CIPC: variants seen among roughly 807,000 people sequenced by gnomAD.
CIPC encodes CLOCK interacting pacemaker.
In CIPC, 12 loss-of-function variants were observed where a neutral mutation model predicts 26.7. That is an observed-to-expected ratio of 0.45 (90% CI 0.29 to 0.73). CIPC has a LOEUF of 0.73. Ranked by LOEUF, CIPC falls within the 30% of genes least tolerant of loss-of-function variation. The pLI, the probability that CIPC is intolerant of heterozygous loss-of-function variation, is 0.12. For synonymous variants in CIPC, 170 were observed against 189.8 expected (o/e 0.90, Z 0.86); for missense variants, 417 against 486.5 (o/e 0.86, Z 1.34).
chr14:77,098,757 AGGGTCCTGGGCTTCCGGTTTGAGGTCGG>A (rs1480179466), intron 1 of CIPC: 2 of 152,638 alleles, frequency 1.3e-5, no homozygotes, highest in African/African-American at 4.8e-5. Flanking sequence ...TAACTGGGCG[AGGGTCCTGGGCTTCCGGTTTGAGGTCGG>A]GGGTGGTACC....
At chr14:77,110,310 T>TAAC (rs1272080380) in intron 3 of CIPC, among the ~76,000 whole-genome samples, 3 of 152,302 alleles carry the variant, frequency 2.0e-5, no homozygotes, top group Non-Finnish European at 4.4e-5. Flanking sequence ...TGGTGCATTC[T>TAAC]AACATATGGC....
intron 3 of CIPC, 142 bp downstream of exon 3, chr14:77,110,123 C>T: frequency 1.4e-6 from 1 of 738,962 alleles, no homozygotes; most frequent in East Asian, 2.7e-5. Flanking sequence ...TACTTTCTGT[C>T]CTGGGGAGCG....
At chr14:77,106,007 C>T (rs1434919964) in intron 2 of CIPC, 163 bp downstream of exon 2, 6 of 671,132 alleles carry the variant, frequency 8.9e-6, no homozygotes, top group Non-Finnish European at 1.4e-5. Context: ...GTCAGGGTAC[C>T]CATCAAAGTC....
At position 77,116,539 on chromosome 14, in the gene CIPC, A is replaced by G. The variant is rs559047065; in HGVS notation, c.*2221A>G. 14 of 152,350 alleles carry G rather than the reference A, an allele frequency of 9.2e-5. No individual in the cohort carries two copies. The highest frequency in any genetic ancestry group is 7.2e-4 in the Admixed American group (11 of 15,296). 9.4% of individuals were successfully genotyped at this position (152,350 alleles called of 1,614,324 possible). ...AAGCCTCTTGGACTCTTCTTCCTAG[A>G]TTAAGGCTTGCATTTCCCTCCCTGT... On this transcript the variant is annotated 3_prime_UTR_variant, in exon 4 of 4. Transcript: ENST00000361786.
intron 3 of CIPC, among the ~76,000 whole-genome samples, chr14:77,111,444 TAAAATA>T (rs1886698807): frequency 6.6e-6 from 1 of 152,244 alleles, no homozygotes; most frequent in South Asian, 2.1e-4. Context: ...ATTCTAAAAT[TAAAATA>T]ATGATACACA....
chr14:77,104,464 TTTAAG>T (rs2140027749), intron 1 of CIPC, among the ~76,000 whole-genome samples: 1 of 152,316 alleles, frequency 6.6e-6, no homozygotes, highest in East Asian at 1.9e-4. Context: ...TCCCATTGCG[TTTAAG>T]TTAATATCTA....
Position 77,114,140 on chromosome 14 carries a change from G to A in CIPC, c.1022G>A (p.Arg341His), listed in dbSNP as rs757640147. Residue 341 changes from arginine to histidine, a missense_variant, in exon 4 of 4, where the codon CGT (arginine) becomes CAT (histidine). Transcript: ENST00000361786. ...EITLKTKELI[R>H]QNQATQVELD... ...ACTTTGAAAACCAAGGAGTTGATTC[G>A]TCAGAATCAGGCAACTCAGGTAGAA... 36 of 1,613,938 alleles carry A rather than the reference G, an allele frequency of 2.2e-5. No individual in the cohort carries two copies. Among genetic ancestry groups the A allele is most frequent in the Middle Eastern group, 1.6e-4 (1 of 6,084 alleles).
At chr14:77,104,224 T>C (rs907403986) in intron 1 of CIPC, among the ~76,000 whole-genome samples, 2 of 152,122 alleles carry the variant, frequency 1.3e-5, no homozygotes, top group African/African-American at 4.8e-5. Flanking sequence ...ATCCTGTCTC[T>C]ACAAAAAACA....
At position 77,114,264 on chromosome 14, in the gene CIPC, G is replaced by C; in HGVS notation, c.1146G>C (p.Gly382=). ...AGCTGCAGGCATCTTTAACACCTGG[G>C]TCCAGTAATACAGGCAGTGACCTAG... ...WAKLQASLTP[G]SSNTGSDLEA... Residue 382 remains glycine (G), a synonymous_variant, in exon 4 of 4, where the codon GGG becomes GGC. Transcript: ENST00000361786. The C allele has an allele frequency of 6.2e-7, 1 of 1,613,928 alleles. No homozygotes were observed. Among genetic ancestry groups the C allele is most frequent in the Admixed American group, 1.7e-5 (1 of 59,984 alleles).
intron 1 of CIPC, among the ~76,000 whole-genome samples, chr14:77,100,627 T>C: frequency 6.6e-6 from 1 of 151,800 alleles, no homozygotes; most frequent in Non-Finnish European, 1.5e-5. Context: ...TGGAGGGCAG[T>C]GGCAACATCT....
rs1490401775 is a variant in CIPC at position 77,113,723 on chromosome 14, C to T, written c.605C>T (p.Pro202Leu). 3.4e-5 allele frequency: 55 copies of T among 1,612,238 alleles called. 1 individual carries two copies. The highest frequency in any genetic ancestry group is 4.7e-5 in the Non-Finnish European group (55 of 1,178,932). Reference protein sequence around the residue: ...RLGPSLSSSEPTKAGAVPSSP... With the variant: ...RLGPSLSSSELTKAGAVPSSP... ...GGGCCTAGCTTGTCTTCCAGTGAGC[C>T]AACCAAGGCTGGTGCTGTCCCATCC... The change falls in exon 4 of 4, where the codon CCA becomes CTA. Residue 202 changes from proline to leucine, a missense_variant. By Grantham distance (98) the Pro-to-Leu change is moderately conservative (BLOSUM62 -3). Transcript: ENST00000361786.
Position 77,115,024 on chromosome 14 carries a change from T to C in CIPC, c.*706T>C, listed in dbSNP as rs1021156827. On this transcript the variant is annotated 3_prime_UTR_variant, in exon 4 of 4. Coordinates refer to ENST00000361786, the MANE Select transcript of CIPC (RefSeq NM_033426.3). Reference sequence around the variant, plus strand: ...TAAGGTATGGAATGAATGCAGTACATCTGGAATTGTAGTCGATGAATTGCT... The same window carrying C: ...TAAGGTATGGAATGAATGCAGTACACCTGGAATTGTAGTCGATGAATTGCT... 2 of 152,228 alleles carry C rather than the reference T, an allele frequency of 1.3e-5. No individual in the cohort carries two copies. The highest frequency in any genetic ancestry group is 2.1e-4 in the South Asian group (1 of 4,830). The allele number at this position is 152,228 out of a possible 1,614,324, so 9.4% of individuals were successfully genotyped here.
Position 77,109,945 on chromosome 14 carries a change from T to C in CIPC, c.270T>C (p.Ser90=). ...CAAAGAATGCCTTCCCTACCCTGTC[T>C]CCCATGGTCGTCATGAAGAATGTGC... ...KTAKNAFPTL[S]PMVVMKNVLV... Residue 90 remains serine (S), a synonymous_variant, in exon 3 of 4, where the codon TCT becomes TCC. Coordinates refer to ENST00000361786, the MANE Select transcript of CIPC (RefSeq NM_033426.3). 1 of 1,614,152 alleles carries C rather than the reference T, an allele frequency of 6.2e-7. No homozygotes were observed. Among genetic ancestry groups the C allele is most frequent in the Non-Finnish European group, 8.5e-7 (1 of 1,180,020 alleles).
At chr14:77,102,111 AAG>A (rs912315200) in intron 1 of CIPC, among the ~76,000 whole-genome samples, 4 of 151,942 alleles carry the variant, frequency 2.6e-5, no homozygotes, top group African/African-American at 7.3e-5. Flanking sequence ...CAAAAACAAA[AAG>A]AGTATGATCT....
chr14:77,104,158 G>A (rs780205741), intron 1 of CIPC, among the ~76,000 whole-genome samples: 1 of 152,130 alleles, frequency 6.6e-6, no homozygotes, highest in Non-Finnish European at 1.5e-5. Flanking sequence ...CCAAGCCCGT[G>A]GTGGAAGGAT....
rs144711019 is a variant in CIPC, at chr14:77,114,679, G to A, written c.*361G>A. On this transcript the variant is annotated 3_prime_UTR_variant, in exon 4 of 4. Coordinates refer to ENST00000361786, the MANE Select transcript of CIPC (RefSeq NM_033426.3). ...ACCAGGATCAAGGGTACAGTAACAC[G>A]AATGAGCATACAGAGCAACACCTGT... The A allele has an allele frequency of 8.9e-5, 19 of 214,236 alleles. No homozygotes were observed. Among genetic ancestry groups the A allele is most frequent in the Non-Finnish European group, 1.2e-4 (13 of 105,494 alleles). 13.3% of individuals were successfully genotyped at this position (214,236 alleles called of 1,614,324 possible).
At position 77,117,009 on chromosome 14, in the gene CIPC, G is replaced by A. The variant is rs1360238143; in HGVS notation, c.*2691G>A. 3 of 152,216 alleles carry A rather than the reference G, an allele frequency of 2.0e-5. No individual in the cohort carries two copies. The highest frequency in any genetic ancestry group is 2.9e-5 in the Non-Finnish European group (2 of 68,038). The allele number at this position is 152,216 out of a possible 1,614,324, so 9.4% of individuals were successfully genotyped here. A position where few individuals can be genotyped will look rare whatever the true frequency, so the allele number is the denominator to read the frequency against. ...TTGAAATATATATAGAAAAGTTGCTGATTGCAATGGTTATGGGAATGGAAT... is the reference window on the plus strand; with the variant it reads ...TTGAAATATATATAGAAAAGTTGCTAATTGCAATGGTTATGGGAATGGAAT... On this transcript the variant is annotated 3_prime_UTR_variant, in exon 4 of 4. Transcript: ENST00000361786.
intron 2 of CIPC, among the ~76,000 whole-genome samples, chr14:77,108,257 C>A (rs1886629257): frequency 1.3e-5 from 2 of 152,160 alleles, no homozygotes; most frequent in South Asian, 2.1e-4. Context: ...CATTAAAGTA[C>A]CCTTTTCTCT....
At position 77,114,239 on chromosome 14, in the gene CIPC, A is replaced by C; in HGVS notation, c.1121A>C (p.Lys374Thr). ...TKSRAPQAWA[K>T]LQASLTPGSS... ...AGCAGGGCCCCTCAGGCTTGGGCCA[A>C]GCTGCAGGCATCTTTAACACCTGGG... is the stretch of plus-strand genomic sequence containing the variant. The change falls in exon 4 of 4, where the codon AAG becomes ACG. Residue 374 changes from lysine (K) to threonine (T), a missense_variant. Transcript: ENST00000361786. 6.2e-7 allele frequency: 1 copy of C among 1,614,124 alleles called. No individual in the cohort carries two copies. Among genetic ancestry groups the C allele is most frequent in the South Asian group, 1.1e-5 (1 of 91,078 alleles).
Sources: gnomAD v4.1 joint callset for allele counts (sites outside exome capture counted in the v4.1 genomes callset) on GRCh38, gnomAD v4.1.1 for gene constraint, MANE v1.5 for transcripts, NCBI Gene and HGNC (gene_info 2026-07-23, HGNC 2026-07-21) for gene names.